Variants in TMEM108 observed in about 807,000 individuals in gnomAD.
The protein encoded by TMEM108 is cancer/testis antigen 124.
A neutral mutation model predicts 35.1 loss-of-function variants in TMEM108; 12 were observed. The observed-to-expected ratio is 0.34, with a 90% CI of 0.22 to 0.55. TMEM108 has a LOEUF of 0.55. TMEM108 is among the 20% of genes least tolerant of loss of function. The pLI is 0.89. For synonymous variants in TMEM108, 287 were observed against 308.6 expected (o/e 0.93, Z 0.73); for missense variants, 680 against 753.3 (o/e 0.90, Z 1.14).
At chr3:133,118,600 T>C (rs922096251) in intron 2 of TMEM108, among the ~76,000 whole-genome samples, 13 of 152,148 alleles carry the variant, frequency 8.5e-5, no homozygotes, top group Non-Finnish European at 1.8e-4. Flanking sequence ...TTGCCTTGGG[T>C]ATTGTTACCA....
At chr3:133,049,494 C>T (rs775788952) in intron 2 of TMEM108, among the ~76,000 whole-genome samples, 11 of 152,144 alleles carry the variant, frequency 7.2e-5, no homozygotes, top group Non-Finnish European at 1.5e-4. Flanking sequence ...ATAGTATGCT[C>T]TTGTTATAAC....
At chr3:133,353,617 G>C (rs1379811032) in intron 3 of TMEM108, among the ~76,000 whole-genome samples, 2 of 152,188 alleles carry the variant, frequency 1.3e-5, no homozygotes, top group Non-Finnish European at 2.9e-5. Flanking sequence ...TGTATGGTCT[G>C]TCTCAACTCT....
At chr3:133,060,178 A>G (rs7627668) in intron 2 of TMEM108, among the ~76,000 whole-genome samples, 97,644 of 152,086 alleles carry the variant, frequency 0.64, 32,065 homozygotes, top group African/African-American at 0.78. Flanking sequence ...GATAGACATT[A>G]AGCAAGTATT....
chr3:133,384,709 G>T (rs1174064895), intron 4 of TMEM108, among the ~76,000 whole-genome samples: 1 of 152,200 alleles, frequency 6.6e-6, no homozygotes, highest in Non-Finnish European at 1.5e-5. Context: ...GCGCTGAATT[G>T]GTCGGCGCTC....
chr3:133,318,965 G>T (rs1237445492), intron 3 of TMEM108, among the ~76,000 whole-genome samples: 1 of 149,446 alleles, frequency 6.7e-6, no homozygotes, highest in Non-Finnish European at 1.5e-5. Flanking sequence ...GGCTAGGTCT[G>T]AGTCCTGTGG....
intron 2 of TMEM108, among the ~76,000 whole-genome samples, chr3:133,079,956 A>G (rs982537111): frequency 2.0e-5 from 3 of 152,154 alleles, no homozygotes; most frequent in South Asian, 2.1e-4. Context: ...CCTCACTCCA[A>G]TGCTTGGGGT....
intron 3 of TMEM108, among the ~76,000 whole-genome samples, chr3:133,233,579 G>A (rs1424778008): frequency 2.6e-5 from 4 of 151,940 alleles, no homozygotes; most frequent in Admixed American, 6.6e-5. Flanking sequence ...TGGGTCACAT[G>A]GTATTTCTAG....
intron 2 of TMEM108, among the ~76,000 whole-genome samples, chr3:133,126,188 C>G (rs1349379029): frequency 6.6e-6 from 1 of 151,944 alleles, no homozygotes; most frequent in African/African-American, 2.4e-5. Context: ...ATGTTCTGAC[C>G]AGGTGCGGTG....
intron 2 of TMEM108, among the ~76,000 whole-genome samples, chr3:133,075,703 T>G (rs539098385): frequency 6.6e-6 from 1 of 152,262 alleles, no homozygotes; most frequent in Admixed American, 6.5e-5. Flanking sequence ...AGGTGATATC[T>G]TATTGTGGTT....
chr3:133,390,106 A>C (rs931443734), intron 4 of TMEM108, 74 bp from the exon 5 acceptor site: 3 of 1,580,104 alleles, frequency 1.9e-6, no homozygotes, highest in Non-Finnish European at 2.6e-6. Flanking sequence ...AACTCTCCTC[A>C]TCAGTTCGGT....
Position 133,309,952 on chromosome 3 carries a change from G to A in TMEM108, c.41-69800G>A, listed in dbSNP as rs185281666. On this transcript the variant is annotated intron_variant, in intron 3 of 5. Transcript: ENST00000321871. ...CCTGACCTCGTGATCCACCCTCCTC[G>A]GCCTCCCAAAGTGCTGGGATTACAG... 3.9e-3 allele frequency among the ~76,000 whole-genome samples: 590 copies of A among 152,016 alleles called. 3 individuals carry two copies. The highest frequency in any genetic ancestry group is 5.2e-3 in the Non-Finnish European group (355 of 67,952).
At chr3:133,058,885 C>T (rs1943504741) in intron 2 of TMEM108, among the ~76,000 whole-genome samples, 1 of 152,186 alleles carries the variant, frequency 6.6e-6, no homozygotes, top group Admixed American at 6.5e-5. Flanking sequence ...ATGGGGGTTT[C>T]ATTGCATTAA....
At chr3:133,290,485 G>C (rs1286291151) in intron 3 of TMEM108, among the ~76,000 whole-genome samples, 2 of 152,062 alleles carry the variant, frequency 1.3e-5, no homozygotes, top group Admixed American at 6.5e-5. Context: ...GCTGGGCATG[G>C]TGGTGCACTC....
chr3:133,311,458 AT>A (rs2071127661), intron 3 of TMEM108, among the ~76,000 whole-genome samples: 1 of 151,956 alleles, frequency 6.6e-6, no homozygotes, highest in Non-Finnish European at 1.5e-5. Context: ...TATTTCATTG[AT>A]TTGATCCTCC....
chr3:133,343,533 A>G (rs2071726015), intron 3 of TMEM108, among the ~76,000 whole-genome samples: 1 of 151,964 alleles, frequency 6.6e-6, no homozygotes, highest in African/African-American at 2.4e-5. Context: ...GTGGAACACT[A>G]TTAAGCAATA....
intron 3 of TMEM108, among the ~76,000 whole-genome samples, chr3:133,283,402 C>A (rs1946942736): frequency 6.6e-6 from 1 of 152,186 alleles, no homozygotes; most frequent in Admixed American, 6.5e-5. Flanking sequence ...CTCTGCATTT[C>A]AGGTCTTAAT....
chr3:133,135,997 C>G (rs1252337142), intron 2 of TMEM108, among the ~76,000 whole-genome samples: 2 of 152,146 alleles, frequency 1.3e-5, no homozygotes. Context: ...GCTGAGAACT[C>G]TGCGACATTT....
intron 2 of TMEM108, among the ~76,000 whole-genome samples, chr3:133,058,288 C>T (rs1304367804): frequency 1.3e-5 from 2 of 152,190 alleles, no homozygotes; most frequent in Admixed American, 1.3e-4. Flanking sequence ...CTGCTCTCCC[C>T]TGTTGTCTCA....
At chr3:133,241,355 C>A (rs1946309963) in intron 3 of TMEM108, among the ~76,000 whole-genome samples, 1 of 152,218 alleles carries the variant, frequency 6.6e-6, no homozygotes, top group Non-Finnish European at 1.5e-5. Flanking sequence ...TCCTTTGGGT[C>A]ATTTGCATCA....
Sources: gnomAD v4.1 joint callset for allele counts (sites outside exome capture counted in the v4.1 genomes callset) on GRCh38, gnomAD v4.1.1 for gene constraint, MANE v1.5 for transcripts, NCBI Gene and HGNC (gene_info 2026-07-23, HGNC 2026-07-21) for gene names.